Variants in BLMH observed in about 807,000 individuals in gnomAD.
The protein encoded by BLMH is BLM hydrolase.
In BLMH, 32 loss-of-function variants were observed where a neutral mutation model predicts 61.6. That is an observed-to-expected ratio of 0.52 (90% CI 0.39 to 0.70). The LOEUF (loss-of-function observed/expected upper bound fraction) is 0.70. Among genes scored for constraint, BLMH ranks in the 30% least tolerant of loss-of-function variants. The pLI is 0.00. For missense variants in BLMH, 460 were observed against 555.5 expected, an observed-to-expected ratio of 0.83 and a Z score of 1.73; for synonymous variants, 183 against 193.8, an observed-to-expected ratio of 0.94 and a Z score of 0.46.
At chr17:30,287,408 G>A (rs768397053) in intron 4 of BLMH, among the ~76,000 whole-genome samples, 4 of 152,118 alleles carry the variant, frequency 2.6e-5, no homozygotes, top group Non-Finnish European at 4.4e-5. Context: ...CAGCCTTTTG[G>A]TCAAGCTCAA....
In BLMH at chr17:30,289,811, T is replaced by C. The variant is rs543136859; in HGVS notation, c.212-329A>G. On this transcript the variant is annotated intron_variant, in intron 2 of 11. Coordinates refer to ENST00000261714, the MANE Select transcript of BLMH (RefSeq NM_000386.4). The stretch of plus-strand genomic sequence containing the variant: ...TAGAAAAGTCTTTTAAGGTCTTAAA[T>C]ACAGGGAAATTATCTCTTTTCTGAG... Among the ~76,000 whole-genome samples, 4 of 152,312 alleles carry C rather than the reference T, an allele frequency of 2.6e-5. No homozygotes were observed. In the East Asian group the frequency reaches 7.7e-4, roughly 29 times the overall value.
intron 11 of BLMH, among the ~76,000 whole-genome samples, chr17:30,262,612 G>A (rs559531118): frequency 6.6e-6 from 1 of 152,272 alleles, no homozygotes; most frequent in South Asian, 2.1e-4. Context: ...GGCTAACACA[G>A]TGAAACTCTG....
At chr17:30,264,545 A>G (rs1333660623) in intron 11 of BLMH, among the ~76,000 whole-genome samples, 2 of 152,242 alleles carry the variant, frequency 1.3e-5, no homozygotes, top group Non-Finnish European at 2.9e-5. Context: ...CACACTACAT[A>G]AAACACATTT....
intron 11 of BLMH, among the ~76,000 whole-genome samples, chr17:30,266,376 T>G (rs994188748): frequency 1.3e-5 from 2 of 151,402 alleles, no homozygotes; most frequent in Non-Finnish European, 2.9e-5. Context: ...AAATACAAAA[T>G]CAGCTGGGAG....
chr17:30,281,096 T>G (rs200569111), intron 6 of BLMH, among the ~76,000 whole-genome samples: 12,210 of 150,380 alleles, frequency 0.081, 769 homozygotes, highest in African/African-American at 0.16. Flanking sequence ...TTTGTTGTTT[T>G]TTTTTTTTTT....
At chr17:30,285,353 GA>G (rs1315638516) in intron 6 of BLMH, 34 bp downstream of exon 6, 3 of 1,449,368 alleles carry the variant, frequency 2.1e-6, no homozygotes, top group Non-Finnish European at 2.9e-6. Flanking sequence ...GAGTTCCTTA[GA>G]GGGGTCACAA....
intron 10 of BLMH, among the ~76,000 whole-genome samples, chr17:30,267,846 T>C (rs1230965474): frequency 6.6e-6 from 1 of 152,238 alleles, no homozygotes; most frequent in African/African-American, 2.4e-5. Flanking sequence ...TATTATCGCC[T>C]AATGATTTCA....
intron 7 of BLMH, chr17:30,273,355 C>T (rs1473284923): frequency 2.5e-5 from 4 of 161,100 alleles, no homozygotes; most frequent in Admixed American, 6.1e-5. Context: ...TTAGTAGAGA[C>T]GGAGTTTCAC....
At position 30,270,520 on chromosome 17, in the gene BLMH, T is replaced by C. The variant is rs533327601; in HGVS notation, c.1146+751A>G. On this transcript the variant is annotated intron_variant, in intron 10 of 11. Transcript: ENST00000261714. Reference sequence around the variant, plus strand: ...CCATCTCAAAAAAAAAAAAAAAAAATGATTTTCTAGAACAATTTATATAAG... The same window carrying C: ...CCATCTCAAAAAAAAAAAAAAAAAACGATTTTCTAGAACAATTTATATAAG... Among the ~76,000 whole-genome samples, 28 of 144,504 alleles carry C rather than the reference T, an allele frequency of 1.9e-4. No homozygotes were observed. In the East Asian group the frequency reaches 5.6e-3, roughly 29 times the overall value. The allele number at this position is 144,504 out of a possible 152,430, so 94.8% of individuals were successfully genotyped here.
At chr17:30,254,207 G>A (rs963386788) in intron 11 of BLMH, among the ~76,000 whole-genome samples, 2 of 152,094 alleles carry the variant, frequency 1.3e-5, no homozygotes, top group African/African-American at 4.8e-5. Flanking sequence ...CTAACAAACT[G>A]TATGTGGCTA....
chr17:30,273,975 AC>A (rs1277207972), intron 7 of BLMH, 66 bp downstream of exon 7: 1 of 1,567,472 alleles, frequency 6.4e-7, no homozygotes, highest in African/African-American at 1.4e-5. Context: ...AGAATCTTAT[AC>A]AATTCCCTGT....
intron 6 of BLMH, among the ~76,000 whole-genome samples, chr17:30,279,733 T>C (rs1256934800): frequency 6.6e-6 from 1 of 151,966 alleles, no homozygotes; most frequent in Non-Finnish European, 1.5e-5. Flanking sequence ...GCCTGGGAGG[T>C]TGAGGCTGCA....
In BLMH at chr17:30,266,623, G is replaced by A. The variant is rs139923491; in HGVS notation, c.1216+262C>T. 1.1e-3 allele frequency among the ~76,000 whole-genome samples: 171 copies of A among 152,162 alleles called. 2 individuals carry two copies. The East Asian group carries it at 0.028, about 25-fold the overall frequency. On this transcript the variant is annotated intron_variant, in intron 11 of 11. Coordinates refer to ENST00000261714, the MANE Select transcript of BLMH (RefSeq NM_000386.4). ...CACTCAACCTCCTCACTAGCCAAGC[G>A]GTCTACAAAGAGGGGAGGGTCAACA...
At chr17:30,250,508 G>C (rs1048807020) in intron 11 of BLMH, among the ~76,000 whole-genome samples, 13 of 152,158 alleles carry the variant, frequency 8.5e-5, no homozygotes, top group African/African-American at 3.1e-4. Flanking sequence ...CTAATTATCA[G>C]AGAAATGCAA....
chr17:30,270,268 G>A (rs1183566545), intron 10 of BLMH, among the ~76,000 whole-genome samples: 1 of 152,172 alleles, frequency 6.6e-6, no homozygotes, highest in Admixed American at 6.5e-5. Context: ...GGGAAGCTGA[G>A]GCGGGCAGAT....
chr17:30,278,725 G>A (rs1364002720), intron 6 of BLMH, among the ~76,000 whole-genome samples: 12 of 152,110 alleles, frequency 7.9e-5, no homozygotes, highest in Admixed American at 2.0e-4. Flanking sequence ...GCTGGAATGC[G>A]GTGGCACGAT....
chr17:30,268,953 T>C (rs568346495), intron 10 of BLMH, among the ~76,000 whole-genome samples: 3 of 147,288 alleles, frequency 2.0e-5, no homozygotes, highest in Admixed American at 6.7e-5. Flanking sequence ...GGCAGGAGAA[T>C]AGCTTGAACC....
At chr17:30,271,952 A>G (rs1307670698) in intron 9 of BLMH, among the ~76,000 whole-genome samples, 1 of 152,240 alleles carries the variant, frequency 6.6e-6, no homozygotes, top group Non-Finnish European at 1.5e-5. Context: ...CCTGTTTTCA[A>G]AAATTTTTTA....
chr17:30,288,941 C>T (rs541736996), intron 3 of BLMH, among the ~76,000 whole-genome samples: 6 of 152,042 alleles, frequency 3.9e-5, no homozygotes, highest in African/African-American at 1.4e-4. Flanking sequence ...CCCTCTAGCC[C>T]GGGTGGCAGG....
Sources: allele counts gnomAD v4.1 joint callset (sites outside exome capture counted in the v4.1 genomes callset), GRCh38; gene constraint gnomAD v4.1.1; transcripts MANE v1.5; gene names NCBI Gene and HGNC (gene_info 2026-07-23, HGNC 2026-07-21).